Variants in PPARGC1A observed in about 807,000 individuals in gnomAD.
PPARGC1A encodes peroxisome proliferator-activated receptor gamma coactivator 1-alpha.
Under a neutral mutation model 88.7 loss-of-function variants are expected in PPARGC1A, and 25 were observed. The observed-to-expected ratio is 0.28, with a 90% CI of 0.21 to 0.39. PPARGC1A has a LOEUF of 0.39. Ranked by LOEUF, PPARGC1A falls within the 10% of genes least tolerant of loss-of-function variation. The probability of loss-of-function intolerance (pLI) is 1.00; values close to 1 mark genes in which losing one functional copy is unlikely to be tolerated. For synonymous variants in PPARGC1A, 363 were observed against 355.6 expected (o/e 1.02, Z -0.24); for missense variants, 880 against 968.7 (o/e 0.91, Z 1.22).
the PPARGC1A span, among the ~76,000 whole-genome samples, chr4:24,190,986 A>G: frequency 2.6e-5 from 4 of 152,306 alleles, no homozygotes; most frequent in East Asian, 7.7e-4. Flanking sequence ...AGGGCAGCTC[A>G]GTTGTTCTTC....
chr4:23,910,312 A>ATATTAT, the PPARGC1A span, among the ~76,000 whole-genome samples: 1 of 47,480 alleles, frequency 2.1e-5, no homozygotes, highest in African/African-American at 1.7e-4. Flanking sequence ...CCCTATATAT[A>ATATTAT]ATATTATATA....
At chr4:24,139,586 A>G in the PPARGC1A span, among the ~76,000 whole-genome samples, 386 of 152,314 alleles carry the variant, frequency 2.5e-3, 1 homozygote, top group African/African-American at 8.9e-3. Flanking sequence ...GATCCCATGT[A>G]GTGAGAAATC....
At chr4:24,288,564 G>A in the PPARGC1A span, among the ~76,000 whole-genome samples, 1 of 152,190 alleles carries the variant, frequency 6.6e-6, no homozygotes. Flanking sequence ...GGAGGAAAAT[G>A]ACATTTTTGT....
chr4:24,095,429 T>G, the PPARGC1A span, among the ~76,000 whole-genome samples: 3 of 152,084 alleles, frequency 2.0e-5, no homozygotes, highest in Admixed American at 6.5e-5. Context: ...CGGCCAGAGA[T>G]AGAGTCTTTA....
At chr4:23,848,271 T>G (rs1369380005) in intron 2 of PPARGC1A, among the ~76,000 whole-genome samples, 3 of 152,306 alleles carry the variant, frequency 2.0e-5, no homozygotes, top group Non-Finnish European at 2.9e-5. Flanking sequence ...TGACTTAAAT[T>G]TATTTCTTCC....
chr4:24,199,534 C>G, the PPARGC1A span, among the ~76,000 whole-genome samples: 1 of 152,062 alleles, frequency 6.6e-6, no homozygotes, highest in Non-Finnish European at 1.5e-5. Context: ...GTTTGCCGAT[C>G]AAAGGCAAGA....
the PPARGC1A span, among the ~76,000 whole-genome samples, chr4:24,459,133 C>A: frequency 1.6e-4 from 24 of 151,846 alleles, no homozygotes; most frequent in African/African-American, 5.6e-4. Flanking sequence ...TCTAAGAAGC[C>A]AAGTTTAAAT....
chr4:24,212,568 C>T, the PPARGC1A span, among the ~76,000 whole-genome samples: 4 of 152,152 alleles, frequency 2.6e-5, no homozygotes, highest in African/African-American at 9.7e-5. Flanking sequence ...CTGGTATACT[C>T]TCAAAAATGG....
chr4:24,118,719 C>A, the PPARGC1A span, among the ~76,000 whole-genome samples: 1 of 152,008 alleles, frequency 6.6e-6, no homozygotes, highest in East Asian at 1.9e-4. Context: ...TAAAAATATA[C>A]TCAAAAGCCA....
At chr4:24,411,001 C>T in the PPARGC1A span, among the ~76,000 whole-genome samples, 3 of 152,174 alleles carry the variant, frequency 2.0e-5, no homozygotes, top group Non-Finnish European at 4.4e-5. Flanking sequence ...AATAAACTCC[C>T]TCTCATATAT....
intron 7 of PPARGC1A, 32 bp downstream of exon 7, chr4:23,824,248 C>G (rs1406533983): frequency 6.4e-7 from 1 of 1,566,110 alleles, no homozygotes; most frequent in Admixed American, 1.7e-5. Context: ...CAGACAGACA[C>G]ACACAAGTTC....
intron 5 of PPARGC1A, among the ~76,000 whole-genome samples, chr4:23,826,003 T>C (rs755804160): frequency 6.6e-6 from 1 of 152,202 alleles, no homozygotes; most frequent in African/African-American, 2.4e-5. Flanking sequence ...CTATATGCTA[T>C]GTGACACAAT....
chr4:23,907,847 A>G (rs1216681077), upstream of PPARGC1A, among the ~76,000 whole-genome samples: 1 of 152,128 alleles, frequency 6.6e-6, no homozygotes, highest in African/African-American at 2.4e-5. Context: ...GTTTTATCCC[A>G]TGAAGTGGGC....
chr4:24,354,882 C>CA, the PPARGC1A span, among the ~76,000 whole-genome samples: 17 of 133,716 alleles, frequency 1.3e-4, no homozygotes, highest in South Asian at 7.4e-4. Context: ...GCAAGACTGT[C>CA]AAAAAAAACA....
the PPARGC1A span, among the ~76,000 whole-genome samples, chr4:24,116,758 G>A: frequency 7.2e-5 from 11 of 152,274 alleles, no homozygotes; most frequent in East Asian, 2.1e-3. Context: ...AACAAGGGCT[G>A]AAACTAAAGC....
At chr4:24,395,112 T>C in the PPARGC1A span, among the ~76,000 whole-genome samples, 3 of 152,222 alleles carry the variant, frequency 2.0e-5, no homozygotes, top group African/African-American at 4.8e-5. Flanking sequence ...CTTAGACGAA[T>C]AACAAACTTC....
the PPARGC1A span, among the ~76,000 whole-genome samples, chr4:24,173,438 T>C: frequency 6.6e-6 from 1 of 151,690 alleles, no homozygotes. Context: ...GGTGCACAAC[T>C]GTAGTTCCAG....
At chr4:23,832,610 TTC>T (rs1725230139) in intron 2 of PPARGC1A, among the ~76,000 whole-genome samples, 1 of 141,834 alleles carries the variant, frequency 7.1e-6, no homozygotes, top group Non-Finnish European at 1.5e-5. Flanking sequence ...CTTTTTCTTT[TTC>T]TTTTTTTTTT....
At chr4:24,269,337 G>A in the PPARGC1A span, among the ~76,000 whole-genome samples, 111 of 150,560 alleles carry the variant, frequency 7.4e-4, no homozygotes, top group African/African-American at 2.7e-3. Flanking sequence ...TCTTGGGGAA[G>A]GATAAGGAAT....
Sources: gnomAD v4.1 joint callset for allele counts (sites outside exome capture counted in the v4.1 genomes callset) on GRCh38, gnomAD v4.1.1 for gene constraint, MANE v1.5 for transcripts, NCBI Gene and HGNC (gene_info 2026-07-23, HGNC 2026-07-21) for gene names.